The following ZBTB7C variants were observed in gnomAD, a reference collection of about 807,000 sequenced individuals.
The protein encoded by ZBTB7C is zinc finger and BTB domain-containing protein 7C.
ZBTB7C carries 8 observed loss-of-function variants against 25.7 expected under a neutral mutation model. The observed-to-expected ratio is 0.31, with a 90% CI of 0.18 to 0.56. The LOEUF is 0.56. ZBTB7C is among the 20% of genes least tolerant of loss of function. ZBTB7C has a pLI of 0.91. For synonymous variants in ZBTB7C, 394 were observed against 369.0 expected, an observed-to-expected ratio of 1.07 and a Z score of -0.78; for missense variants, 824 against 855.2, an observed-to-expected ratio of 0.96 and a Z score of 0.46.
intron 1 of ZBTB7C, among the ~76,000 whole-genome samples, chr18:48,358,798 C>T (rs1333466121): frequency 6.6e-6 from 1 of 152,152 alleles, no homozygotes; most frequent in Non-Finnish European, 1.5e-5. Context: ...TGTGAATATA[C>T]TAAAAAACAT....
chr18:48,029,928 G>T lies in ZBTB7C; in HGVS notation c.1209-17C>A, dbSNP rs1419422769. Reference sequence around the variant, plus strand: ...TTGTCCTGCCTGCAATGCAGAGACTGGGGGTCAGTCCCGCAGGGAACACCA... The same window carrying T: ...TTGTCCTGCCTGCAATGCAGAGACTTGGGGTCAGTCCCGCAGGGAACACCA... On this transcript the variant is annotated splice_polypyrimidine_tract_variant and intron_variant, in intron 4 of 4. Coordinates refer to ENST00000590800, the MANE Select transcript of ZBTB7C (RefSeq NM_001318841.2). 1.2e-6 allele frequency: 2 copies of T among 1,609,458 alleles called. No individual in the cohort carries two copies. The highest frequency in any genetic ancestry group is 3.3e-5 in the Admixed American group (2 of 60,014).
At position 48,359,522 on chromosome 18, in the gene ZBTB7C, C is replaced by T. The variant is rs1327665109; in HGVS notation, c.-303-21124G>A. ...CAGTGAGACAGACAGGCCAGATGTA[C>T]GAAGGAAAATTTCAAGAATGAGTTT... On this transcript the variant is annotated intron_variant, in intron 1 of 4. Coordinates refer to ENST00000590800, the MANE Select transcript of ZBTB7C (RefSeq NM_001318841.2). Among the ~76,000 whole-genome samples the T allele has an allele frequency of 6.6e-5, 10 of 152,176 alleles. No individual in the cohort carries two copies. The East Asian group carries it at 9.7e-4, about 15-fold the overall frequency.
chr18:48,379,855 C>T (rs1598998899), intron 1 of ZBTB7C, among the ~76,000 whole-genome samples: 1 of 152,030 alleles, frequency 6.6e-6, no homozygotes, highest in African/African-American at 2.4e-5. Flanking sequence ...ATACAGATAG[C>T]AAATAAGTAC....
At chr18:48,119,805 A>T (rs2039566809) in intron 3 of ZBTB7C, among the ~76,000 whole-genome samples, 1 of 152,160 alleles carries the variant, frequency 6.6e-6, no homozygotes, top group Admixed American at 6.5e-5. Context: ...ATAAATAACA[A>T]TCTCATTGAT....
intron 3 of ZBTB7C, among the ~76,000 whole-genome samples, chr18:48,097,172 C>T (rs2038664845): frequency 6.6e-6 from 1 of 152,142 alleles, no homozygotes; most frequent in Non-Finnish European, 1.5e-5. Flanking sequence ...CGGTAGGTAA[C>T]TGACTTAAGC....
intron 1 of ZBTB7C, among the ~76,000 whole-genome samples, chr18:48,401,174 C>T (rs900091023): frequency 1.3e-5 from 2 of 152,178 alleles, no homozygotes; most frequent in South Asian, 4.1e-4. Flanking sequence ...GGATTTTATT[C>T]CCTGAGATAG....
At chr18:48,384,284 T>G (rs1271259269) in intron 1 of ZBTB7C, among the ~76,000 whole-genome samples, 1 of 152,230 alleles carries the variant, frequency 6.6e-6, no homozygotes, top group East Asian at 1.9e-4. Flanking sequence ...GAAGTGTACT[T>G]GGCAAGCATA....
intron 3 of ZBTB7C, among the ~76,000 whole-genome samples, chr18:48,115,897 G>T (rs185217367): frequency 4.6e-5 from 7 of 152,148 alleles, no homozygotes; most frequent in Non-Finnish European, 8.8e-5. Flanking sequence ...GGAAGAAAGG[G>T]CGGGGCATAC....
At chr18:48,358,027 T>C (rs7238833) in intron 1 of ZBTB7C, among the ~76,000 whole-genome samples, 11,760 of 152,224 alleles carry the variant, frequency 0.077, 1,441 homozygotes, top group African/African-American at 0.26. Flanking sequence ...GTTATTGCTC[T>C]GAGTTCATGT....
At chr18:48,223,034 C>G (rs1056483877) in intron 2 of ZBTB7C, among the ~76,000 whole-genome samples, 5 of 152,220 alleles carry the variant, frequency 3.3e-5, no homozygotes, top group African/African-American at 1.2e-4. Flanking sequence ...CCTTTTCTAA[C>G]AAACACACCA....
intron 3 of ZBTB7C, among the ~76,000 whole-genome samples, chr18:48,143,586 G>A (rs1030976604): frequency 7.2e-5 from 11 of 152,080 alleles, no homozygotes; most frequent in Admixed American, 6.5e-4. Flanking sequence ...CAGCTCCTAA[G>A]AGCTGACAAA....
intron 2 of ZBTB7C, among the ~76,000 whole-genome samples, chr18:48,263,749 T>C (rs554173872): frequency 4.2e-5 from 6 of 142,318 alleles, no homozygotes; most frequent in South Asian, 4.4e-4. Flanking sequence ...AGACAATACA[T>C]AGGAGGAAAA....
At chr18:48,133,396 A>G (rs1204065566) in intron 3 of ZBTB7C, among the ~76,000 whole-genome samples, 2 of 152,230 alleles carry the variant, frequency 1.3e-5, no homozygotes, top group Non-Finnish European at 2.9e-5. Flanking sequence ...ATTTATCTAA[A>G]CACAGGATCA....
intron 2 of ZBTB7C, among the ~76,000 whole-genome samples, chr18:48,204,248 C>T (rs955236647): frequency 3.3e-5 from 5 of 152,192 alleles, no homozygotes; most frequent in Non-Finnish European, 7.3e-5. Flanking sequence ...CTGGCCTCCT[C>T]CTCTCCACCC....
chr18:48,036,674 C>G (rs1288482617), intron 4 of ZBTB7C, among the ~76,000 whole-genome samples: 2 of 152,182 alleles, frequency 1.3e-5, no homozygotes, highest in Admixed American at 6.5e-5. Context: ...AGTGACATGA[C>G]AGGGCCCAGT....
chr18:48,047,756 T>A (rs904578820), intron 3 of ZBTB7C, among the ~76,000 whole-genome samples: 2 of 152,226 alleles, frequency 1.3e-5, no homozygotes, highest in African/African-American at 4.8e-5. Context: ...AGCAAGCTAG[T>A]GAGCTTTTGC....
At chr18:48,137,352 G>A in intron 3 of ZBTB7C, 1 of 983,910 alleles carries the variant, frequency 1.0e-6, no homozygotes, top group South Asian at 4.7e-5. Flanking sequence ...GGCAAGGGCG[G>A]TGGAGGAGCT....
chr18:48,323,355 A>G (rs2046142008), intron 2 of ZBTB7C, among the ~76,000 whole-genome samples: 1 of 152,180 alleles, frequency 6.6e-6, no homozygotes, highest in Non-Finnish European at 1.5e-5. Context: ...TTTCTTATAT[A>G]ATCCTCACAA....
At chr18:48,283,453 G>A (rs1444737656) in intron 2 of ZBTB7C, among the ~76,000 whole-genome samples, 2 of 152,094 alleles carry the variant, frequency 1.3e-5, no homozygotes, top group African/African-American at 4.8e-5. Flanking sequence ...AAACACCCAA[G>A]CAGAAATTAA....
Sources: allele counts gnomAD v4.1 joint callset (sites outside exome capture counted in the v4.1 genomes callset), GRCh38; gene constraint gnomAD v4.1.1; transcripts MANE v1.5; gene names NCBI Gene and HGNC (gene_info 2026-07-23, HGNC 2026-07-21).